The following CDK14 variants were observed in gnomAD, a reference collection of about 807,000 sequenced individuals.
CDK14 encodes cyclin dependent kinase 14.
Under a neutral mutation model 60.7 loss-of-function variants are expected in CDK14, and 34 were observed. That is an observed-to-expected ratio of 0.56 (90% confidence interval 0.43 to 0.75). The LOEUF (loss-of-function observed/expected upper bound fraction) is 0.75. Ranked by LOEUF, CDK14 falls within the 30% of genes least tolerant of loss-of-function variation. CDK14 has a pLI of 0.00. For synonymous variants in CDK14, 197 were observed against 203.7 expected, an observed-to-expected ratio of 0.97 and a Z score of 0.28; for missense variants, 482 against 564.1, an observed-to-expected ratio of 0.85 and a Z score of 1.47.
intron 12 of CDK14, among the ~76,000 whole-genome samples, chr7:91,080,081 A>G (rs550466935): frequency 6.6e-6 from 1 of 152,356 alleles, no homozygotes; most frequent in Admixed American, 6.5e-5. Flanking sequence ...TTAGAAAATC[A>G]TTAGAAGTGG....
rs1243306819 is a variant in CDK14 at position 90,954,925 on chromosome 7, C to CT, written c.827-760dup. ...CAGGCGTGAGCCACCGCGCCCGGCC[C>CT]TTTTTTTTTTTTAGAGGGAAAAAAA... On this transcript the variant is annotated intron_variant, in intron 8 of 14. Transcript: ENST00000380050. Among the ~76,000 whole-genome samples the CT allele has an allele frequency of 1.4e-4, 16 of 111,560 alleles. 4 individuals carry two copies. Among genetic ancestry groups the CT allele is most frequent in the African/African-American group, 3.5e-4 (11 of 31,672 alleles). The allele number at this position is 111,560 out of a possible 152,430, so 73.2% of individuals were successfully genotyped here. A position where few individuals can be genotyped will look rare whatever the true frequency, so the allele number is the denominator to read the frequency against.
chr7:90,627,264 C>T (rs1799895210), intron 2 of CDK14, among the ~76,000 whole-genome samples: 1 of 151,672 alleles, frequency 6.6e-6, no homozygotes, highest in South Asian at 2.1e-4. Flanking sequence ...GGTTGGGGTG[C>T]AGTGGTGCAA....
intron 7 of CDK14, among the ~76,000 whole-genome samples, chr7:90,906,934 A>G (rs1181575389): frequency 1.3e-5 from 2 of 151,998 alleles, no homozygotes; most frequent in Non-Finnish European, 2.9e-5. Context: ...CTAAATTTCT[A>G]CTCACTTTGC....
intron 2 of CDK14, among the ~76,000 whole-genome samples, chr7:90,671,801 C>A (rs1367087299): frequency 2.0e-5 from 3 of 152,128 alleles, no homozygotes; most frequent in Non-Finnish European, 4.4e-5. Flanking sequence ...ACAAGCAGTT[C>A]CTTCAGCATA....
intron 11 of CDK14, among the ~76,000 whole-genome samples, chr7:91,072,405 C>G (rs949278104): frequency 8.5e-5 from 13 of 152,208 alleles, no homozygotes; most frequent in African/African-American, 3.1e-4. Flanking sequence ...AAATGCCCAG[C>G]AAACCACAGC....
chr7:90,613,195 G>T (rs76286079), intron 2 of CDK14, among the ~76,000 whole-genome samples: 1,625 of 152,300 alleles, frequency 0.011, 18 homozygotes, highest in Middle Eastern at 0.099. Context: ...CAAAGTGCAA[G>T]ATGTATGACA....
intron 2 of CDK14, among the ~76,000 whole-genome samples, chr7:90,683,947 T>A (rs1801377113): frequency 6.6e-6 from 1 of 151,930 alleles, no homozygotes; most frequent in Non-Finnish European, 1.5e-5. Flanking sequence ...CATTCATATA[T>A]ACATTCACAT....
intron 8 of CDK14, among the ~76,000 whole-genome samples, chr7:90,941,755 G>T (rs1793942765): frequency 6.6e-6 from 1 of 152,086 alleles, no homozygotes; most frequent in African/African-American, 2.4e-5. Flanking sequence ...CACCCAGCAT[G>T]GGCCCTGCGA....
intron 3 of CDK14, among the ~76,000 whole-genome samples, chr7:90,738,855 TC>T (rs1342206041): frequency 2.6e-5 from 4 of 151,824 alleles, no homozygotes; most frequent in Non-Finnish European, 5.9e-5. Context: ...GACAAAGGAC[TC>T]CACTTTAATT....
chr7:91,089,287 T>C (rs1453568052), intron 12 of CDK14, among the ~76,000 whole-genome samples: 1 of 152,142 alleles, frequency 6.6e-6, no homozygotes, highest in Non-Finnish European at 1.5e-5. Context: ...CGACATACTT[T>C]TAAGTTTCTC....
chr7:91,134,458 T>TTA (rs137859864), intron 14 of CDK14, among the ~76,000 whole-genome samples: 2,970 of 152,246 alleles, frequency 0.02, 42 homozygotes, highest in Non-Finnish European at 0.029. Flanking sequence ...ATTCTTGACC[T>TTA]TATATATTTC....
chr7:90,908,923 A>G (rs1792802392), intron 7 of CDK14, among the ~76,000 whole-genome samples: 1 of 152,122 alleles, frequency 6.6e-6, no homozygotes, highest in Admixed American at 6.6e-5. Context: ...CACCTTTGTC[A>G]ATTTTTCTAT....
rs181205916 is a variant in CDK14 at position 90,923,254 on chromosome 7, C to T, written c.826+5530C>T. Among the ~76,000 whole-genome samples the T allele has an allele frequency of 6.5e-3, 983 of 151,866 alleles. 13 individuals carry two copies. Among genetic ancestry groups the T allele is most frequent in the African/African-American group, 0.022 (909 of 41,410 alleles). Reference sequence around the variant, plus strand: ...CCTCCCGAGTAGCTGGGACTACAGGCGCCCACCACCACTCCTGGCTAATTT... The same window carrying T: ...CCTCCCGAGTAGCTGGGACTACAGGTGCCCACCACCACTCCTGGCTAATTT... On this transcript the variant is annotated intron_variant, in intron 8 of 14. Transcript: ENST00000380050.
chr7:90,752,531 T>G (rs1398720060), intron 4 of CDK14, among the ~76,000 whole-genome samples: 2 of 152,096 alleles, frequency 1.3e-5, no homozygotes, highest in Non-Finnish European at 1.5e-5. Context: ...AGAGGAAAGT[T>G]TACAGCACTA....
chr7:90,754,780 TA>T (rs1562754325), intron 4 of CDK14, among the ~76,000 whole-genome samples: 1 of 151,906 alleles, frequency 6.6e-6, no homozygotes, highest in Non-Finnish European at 1.5e-5. Context: ...AATAACCAAA[TA>T]ACTCCATAAA....
intron 14 of CDK14, among the ~76,000 whole-genome samples, chr7:91,182,497 CCTT>C (rs1329760128): frequency 7.9e-5 from 12 of 151,888 alleles, no homozygotes; most frequent in Middle Eastern, 3.4e-3. Flanking sequence ...CTCTGTCTCT[CCTT>C]CTCCTTATGC....
intron 12 of CDK14, among the ~76,000 whole-genome samples, chr7:91,091,325 A>G (rs1798803301): frequency 1.4e-5 from 2 of 144,228 alleles, no homozygotes. Context: ...TTATGTATAC[A>G]CATATGTGTA....
rs1174016136 is a variant in CDK14, at chr7:90,634,772, G to C, written c.123+30523G>C. On this transcript the variant is annotated intron_variant, in intron 2 of 14. Coordinates refer to ENST00000380050, the MANE Select transcript of CDK14 (RefSeq NM_001287135.2). ...CAACAGTGTAAAAGTGTTCCTATTT[G>C]TCCACATCCTCTCCAGCACCTGTTG... Among the ~76,000 whole-genome samples, 80 of 151,598 alleles carry C rather than the reference G, an allele frequency of 5.3e-4. No homozygotes were observed. In the Middle Eastern group the frequency reaches 0.01, roughly 19 times the overall value.
chr7:90,945,192 C>T (rs1339503918), intron 8 of CDK14, among the ~76,000 whole-genome samples: 2 of 152,148 alleles, frequency 1.3e-5, no homozygotes, highest in Non-Finnish European at 2.9e-5. Context: ...TAGCAGAGAA[C>T]TGGTTTAATC....
Sources: gnomAD v4.1 joint callset for allele counts (sites outside exome capture counted in the v4.1 genomes callset) on GRCh38, gnomAD v4.1.1 for gene constraint, MANE v1.5 for transcripts, NCBI Gene and HGNC (gene_info 2026-07-23, HGNC 2026-07-21) for gene names.